The following ZNF536 variants were observed in gnomAD, a reference collection of about 807,000 sequenced individuals.
ZNF536 encodes the protein zinc finger protein 536.
In ZNF536, 13 loss-of-function variants were observed where a neutral mutation model predicts 84.5. The ratio of observed to expected loss-of-function variants is 0.15; its 90% CI spans 0.10 to 0.24. The LOEUF is 0.24. Among genes scored for constraint, ZNF536 ranks in the 10% least tolerant of loss-of-function variants. The probability of loss-of-function intolerance (pLI) is 1.00; values close to 1 mark genes in which losing one functional copy is unlikely to be tolerated. For missense variants in ZNF536, 1,536 were observed against 1,747.5 expected (o/e 0.88, Z 2.16); for synonymous variants, 811 against 742.5 (o/e 1.09, Z -1.50).
chr19:30,496,501 A>G (rs2145209704), intron 2 of ZNF536, among the ~76,000 whole-genome samples: 1 of 152,318 alleles, frequency 6.6e-6, no homozygotes, highest in Admixed American at 6.5e-5. Context: ...AGCACTGAGC[A>G]GTGAGCTGAG....
At chr19:30,577,302 T>C (rs561635248) in intron 1 of ZNF536, among the ~76,000 whole-genome samples, 1 of 152,238 alleles carries the variant, frequency 6.6e-6, no homozygotes, top group African/African-American at 2.4e-5. Context: ...AGCTGAGTTA[T>C]AAACCCCCGA....
intron 1 of ZNF536, among the ~76,000 whole-genome samples, chr19:30,685,125 G>A (rs968253756): frequency 6.6e-6 from 1 of 152,160 alleles, no homozygotes; most frequent in Non-Finnish European, 1.5e-5. Context: ...GGGGGGAGGG[G>A]TCTTTATCAA....
At chr19:30,567,563 A>G (rs2046399366) in intron 1 of ZNF536, among the ~76,000 whole-genome samples, 1 of 152,152 alleles carries the variant, frequency 6.6e-6, no homozygotes, top group South Asian at 2.1e-4. Flanking sequence ...CCCCGCAGCG[A>G]GAGGGCCCCG....
At chr19:30,273,388 C>T (rs942197287) in intron 1 of ZNF536, among the ~76,000 whole-genome samples, 5 of 152,198 alleles carry the variant, frequency 3.3e-5, no homozygotes, top group Non-Finnish European at 4.4e-5. Flanking sequence ...TCCATGTCCT[C>T]CTCAGCATTT....
chr19:30,652,972 C>T (rs938952696), intron 1 of ZNF536, among the ~76,000 whole-genome samples: 15 of 152,156 alleles, frequency 9.9e-5, no homozygotes, highest in African/African-American at 2.9e-4. Flanking sequence ...CATCCACTCT[C>T]GATGCCCCGT....
intron 2 of ZNF536, among the ~76,000 whole-genome samples, chr19:30,286,546 GAA>G (rs10589212): frequency 0.078 from 8,204 of 104,816 alleles, 627 homozygotes; most frequent in African/African-American, 0.22. Context: ...GAGAGAGAGA[GAA>G]AGAGAGAGAC....
At chr19:30,526,615 T>C (rs1351609500) in intron 2 of ZNF536, among the ~76,000 whole-genome samples, 1 of 142,532 alleles carries the variant, frequency 7.0e-6, no homozygotes, top group East Asian at 2.0e-4. Context: ...TCCCAGCTAC[T>C]TGGGAGGCTG....
At chr19:30,514,358 G>A (rs2055545180) in intron 2 of ZNF536, among the ~76,000 whole-genome samples, 1 of 152,052 alleles carries the variant, frequency 6.6e-6, no homozygotes, top group African/African-American at 2.4e-5. Context: ...GTGGCATGCT[G>A]GGTTTCGCAT....
chr19:30,520,705 A>G (rs1258182966), intron 2 of ZNF536, among the ~76,000 whole-genome samples: 1 of 152,130 alleles, frequency 6.6e-6, no homozygotes, highest in Non-Finnish European at 1.5e-5. Flanking sequence ...TGGTGACTCC[A>G]TGACATGGAT....
chr19:30,547,704 A>G (rs1267173963), intron 3 of ZNF536, among the ~76,000 whole-genome samples: 1 of 152,218 alleles, frequency 6.6e-6, no homozygotes, highest in Non-Finnish European at 1.5e-5. Context: ...CATGTTAGAT[A>G]AAGAAAAAGA....
chr19:30,297,384 TG>T (rs1018559584), intron 2 of ZNF536, among the ~76,000 whole-genome samples: 10 of 152,366 alleles, frequency 6.6e-5, no homozygotes, highest in African/African-American at 2.2e-4. Context: ...CTTTTTTTAA[TG>T]GCCCACGTTT....
intron 1 of ZNF536, among the ~76,000 whole-genome samples, chr19:30,658,458 G>A (rs1407329713): frequency 6.6e-6 from 1 of 152,024 alleles, no homozygotes. Flanking sequence ...CTTTAAATCG[G>A]TATCCCAGCT....
intron 1 of ZNF536, among the ~76,000 whole-genome samples, chr19:30,439,862 G>A (rs1391421617): frequency 1.3e-5 from 2 of 152,218 alleles, no homozygotes; most frequent in Non-Finnish European, 2.9e-5. Flanking sequence ...GTCCAAGCCT[G>A]GGGTGATAAC....
chr19:30,695,568 T>G (rs1310846870), intron 1 of ZNF536, among the ~76,000 whole-genome samples: 1 of 152,086 alleles, frequency 6.6e-6, no homozygotes, highest in Non-Finnish European at 1.5e-5. Context: ...TGGGTGAATT[T>G]CTGGTAGGAA....
intron 1 of ZNF536, among the ~76,000 whole-genome samples, chr19:30,238,887 A>G (rs555389659): frequency 1.3e-5 from 2 of 152,302 alleles, no homozygotes; most frequent in Admixed American, 1.3e-4. Context: ...CCTAATTTGC[A>G]TACTGGTGTA....
chr19:30,508,820 CTTTTTTTTTTTTTTTTTT>C (rs914349353), intron 2 of ZNF536, among the ~76,000 whole-genome samples: 2 of 68,792 alleles, frequency 2.9e-5, no homozygotes, highest in African/African-American at 6.4e-5. Flanking sequence ...TTCTTTCTTT[CTTTTTTTTTTTTTTTTTT>C]TTTTTTTGCG....
At chr19:30,241,995 G>A (rs746812144) in intron 1 of ZNF536, among the ~76,000 whole-genome samples, 22 of 152,174 alleles carry the variant, frequency 1.4e-4, no homozygotes, top group Admixed American at 8.5e-4. Flanking sequence ...TCTTGGTGGC[G>A]CGATCTTTCT....
intron 1 of ZNF536, among the ~76,000 whole-genome samples, chr19:30,230,246 G>A (rs188731390): frequency 6.6e-6 from 1 of 152,234 alleles, no homozygotes; most frequent in African/African-American, 2.4e-5. Context: ...CTTAACATCT[G>A]GGCATATGAA....
intron 2 of ZNF536, among the ~76,000 whole-genome samples, chr19:30,317,459 T>G (rs2046718034): frequency 6.6e-6 from 1 of 152,212 alleles, no homozygotes; most frequent in Non-Finnish European, 1.5e-5. Flanking sequence ...GTTTTACACC[T>G]GTTCCCAGAT....
Sources: allele counts gnomAD v4.1 joint callset (sites outside exome capture counted in the v4.1 genomes callset), GRCh38; gene constraint gnomAD v4.1.1; transcripts MANE v1.5; gene names NCBI Gene and HGNC (gene_info 2026-07-23, HGNC 2026-07-21).